Variants in SRPK1 observed in about 807,000 individuals in gnomAD.
SRPK1 encodes the protein SRSF protein kinase 1.
Under a neutral mutation model 89.5 loss-of-function variants are expected in SRPK1, and 52 were observed. The observed-to-expected ratio is 0.58, with a 90% CI of 0.46 to 0.73. The LOEUF is 0.73. Among genes scored for constraint, SRPK1 ranks in the 30% least tolerant of loss-of-function variants. The probability of loss-of-function intolerance (pLI) is 0.00; values close to 1 mark genes in which losing one functional copy is unlikely to be tolerated. For missense variants in SRPK1, 603 were observed against 780.6 expected (o/e 0.77, Z 2.71); for synonymous variants, 255 against 270.2 (o/e 0.94, Z 0.55).
chr6:35,848,812 T>C (rs1411499403), intron 13 of SRPK1, among the ~76,000 whole-genome samples: 2 of 152,132 alleles, frequency 1.3e-5, no homozygotes, highest in Non-Finnish European at 2.9e-5. Context: ...AGAATGAAAC[T>C]GGACCACCCT....
At chr6:35,849,990 TA>T (rs1401954789) in intron 13 of SRPK1, among the ~76,000 whole-genome samples, 1 of 152,160 alleles carries the variant, frequency 6.6e-6, no homozygotes, top group Non-Finnish European at 1.5e-5. Context: ...CTCTCACTTA[TA>T]TGTGAAATCT....
chr6:35,844,005 G>GTTTTT (rs35051574), intron 13 of SRPK1, among the ~76,000 whole-genome samples: 1 of 125,706 alleles, frequency 8.0e-6, no homozygotes, highest in Non-Finnish European at 1.6e-5. Context: ...CACAACAGCA[G>GTTTTT]TTTTTTTTTT....
At chr6:35,887,516 T>C (rs1469201965) in intron 5 of SRPK1, among the ~76,000 whole-genome samples, 1 of 152,190 alleles carries the variant, frequency 6.6e-6, no homozygotes, top group Non-Finnish European at 1.5e-5. Flanking sequence ...TGAATTTAAG[T>C]TCCTTCTACC....
intron 2 of SRPK1, among the ~76,000 whole-genome samples, chr6:35,908,049 TGC>T (rs1411358314): frequency 3.9e-5 from 6 of 152,258 alleles, no homozygotes; most frequent in African/African-American, 7.2e-5. Context: ...GCCCTCGTTA[TGC>T]TTCCTGTTAA....
intron 14 of SRPK1, among the ~76,000 whole-genome samples, chr6:35,839,852 G>C (rs939655863): frequency 2.0e-5 from 3 of 151,850 alleles, no homozygotes; most frequent in African/African-American, 2.4e-5. Context: ...GCTAATTTTT[G>C]TATCTGTAGT....
rs373060394 is a variant in SRPK1 at position 35,869,870 on chromosome 6, C to T, written c.1023G>A (p.Thr341=). The change falls in exon 11 of 16, where the codon ACG becomes ACA. Residue 341 remains threonine (T), a synonymous_variant. Transcript: ENST00000373825. ...EESSTIGQDQ[T]LMERDTEGGA... is the part of the protein sequence containing the mutation. Reference sequence around the variant, plus strand: ...CACCCTCTGTATCACGTTCCATAAGCGTTTGATCCTGGCCAATGGTACTTG... The same window carrying T: ...CACCCTCTGTATCACGTTCCATAAGTGTTTGATCCTGGCCAATGGTACTTG... 1.1e-5 allele frequency: 18 copies of T among 1,588,808 alleles called. No individual in the cohort carries two copies. The highest frequency in any genetic ancestry group is 5.4e-5 in the African/African-American group (4 of 73,946).
At chr6:35,911,739 TTTC>T (rs1332909250) in intron 2 of SRPK1, among the ~76,000 whole-genome samples, 1 of 151,438 alleles carries the variant, frequency 6.6e-6, no homozygotes, top group African/African-American at 2.4e-5. Context: ...CAGAAAGCGG[TTTC>T]TTGAGATGGA....
At chr6:35,907,179 C>T (rs1313321481) in intron 2 of SRPK1, among the ~76,000 whole-genome samples, 1 of 151,900 alleles carries the variant, frequency 6.6e-6, no homozygotes, top group Non-Finnish European at 1.5e-5. Flanking sequence ...GGAAAAGAAC[C>T]ACAGAGAACT....
At chr6:35,864,229 GA>G (rs1769846470) in intron 12 of SRPK1, among the ~76,000 whole-genome samples, 1 of 151,606 alleles carries the variant, frequency 6.6e-6, no homozygotes, top group African/African-American at 2.4e-5. Context: ...GCACAGCAAA[GA>G]AAACAATCAA....
chr6:35,880,746 A>AAAAAAAAAAAAAAAAAAAAAAAGAAAG (rs1770263877), intron 6 of SRPK1, among the ~76,000 whole-genome samples: 1 of 89,202 alleles, frequency 1.1e-5, no homozygotes, highest in Non-Finnish European at 2.2e-5. Flanking sequence ...AAAAAAAAAA[A>AAAAAAAAAAAAAAAAAAAAAAAGAAAG]AAAAGAAAAG....
intron 13 of SRPK1, among the ~76,000 whole-genome samples, chr6:35,853,511 G>A (rs549548289): frequency 2.0e-5 from 3 of 151,884 alleles, no homozygotes; most frequent in Non-Finnish European, 4.4e-5. Context: ...GGACATTAAG[G>A]GATGACTGAA....
intron 12 of SRPK1, among the ~76,000 whole-genome samples, chr6:35,862,688 G>C (rs1054835652): frequency 6.6e-6 from 1 of 152,090 alleles, no homozygotes. Flanking sequence ...AGAATTCCTT[G>C]AAATGCCAAA....
intron 6 of SRPK1, among the ~76,000 whole-genome samples, chr6:35,881,245 T>A (rs1219235099): frequency 1.3e-5 from 2 of 152,044 alleles, no homozygotes; most frequent in Non-Finnish European, 2.9e-5. Flanking sequence ...AAGCCAGGCA[T>A]CCATATGAAG....
intron 12 of SRPK1, among the ~76,000 whole-genome samples, chr6:35,867,573 T>C (rs1769933379): frequency 6.6e-6 from 1 of 152,134 alleles, no homozygotes; most frequent in Non-Finnish European, 1.5e-5. Context: ...CCCAACACTT[T>C]GGGAGGCCGA....
intron 8 of SRPK1, 134 bp downstream of exon 8, chr6:35,872,429 G>T: frequency 1.2e-6 from 1 of 817,120 alleles, no homozygotes; most frequent in Non-Finnish European, 1.8e-6. Flanking sequence ...AATGTCTCTT[G>T]GAAGCTGATA....
chr6:35,871,682 C>T (rs1240389929), intron 8 of SRPK1, among the ~76,000 whole-genome samples: 3 of 152,104 alleles, frequency 2.0e-5, no homozygotes, highest in Non-Finnish European at 4.4e-5. Context: ...AAATGACACA[C>T]TACTAAAACT....
rs1383428637 is a variant in SRPK1, at chr6:35,921,080, G to C, written c.-24C>G. 1 of 1,505,224 alleles carries C rather than the reference G, an allele frequency of 6.6e-7. No individual in the cohort carries two copies. The highest frequency in any genetic ancestry group is 1.2e-5 in the South Asian group (1 of 80,050). 93.2% of individuals were successfully genotyped at this position (1,505,224 alleles called of 1,614,324 possible). On this transcript the variant is annotated 5_prime_UTR_variant, in exon 1 of 16. Transcript: ENST00000373825. ...ATGGTGAGACCGGTAATCGCCAGGC[G>C]CCTGCGCACTCGAGTGGCGGCGACT...
intron 13 of SRPK1, among the ~76,000 whole-genome samples, chr6:35,846,268 A>G (rs2151080290): frequency 6.6e-6 from 1 of 152,150 alleles, no homozygotes; most frequent in East Asian, 1.9e-4. Flanking sequence ...CTTAAGAAAA[A>G]AAAAAAATCT....
chr6:35,859,337 A>G (rs1023101562), intron 12 of SRPK1, among the ~76,000 whole-genome samples: 2 of 152,222 alleles, frequency 1.3e-5, no homozygotes, highest in Non-Finnish European at 1.5e-5. Flanking sequence ...ATTTTTAAAT[A>G]AAAGCTTATA....
Sources: allele counts gnomAD v4.1 joint callset (sites outside exome capture counted in the v4.1 genomes callset), GRCh38; gene constraint gnomAD v4.1.1; transcripts MANE v1.5; gene names NCBI Gene and HGNC (gene_info 2026-07-23, HGNC 2026-07-21).